ANKRD44: variants seen among roughly 807,000 people sequenced by gnomAD.
The protein encoded by ANKRD44 is serine/threonine-protein phosphatase 6 regulatory ankyrin repeat subunit B.
Under a neutral mutation model 116.0 loss-of-function variants are expected in ANKRD44, and 35 were observed. That is an observed-to-expected ratio of 0.30 (90% CI 0.23 to 0.40). The LOEUF (loss-of-function observed/expected upper bound fraction) is 0.40, where lower values mean the gene tolerates loss of function less well. Ranked by LOEUF, ANKRD44 falls within the 10% of genes least tolerant of loss-of-function variation. The pLI is 1.00. For missense variants in ANKRD44, 1,014 were observed against 1,242.6 expected (o/e 0.82, Z 2.77); for synonymous variants, 435 against 461.8 (o/e 0.94, Z 0.74).
At chr2:197,254,603 ACAC>A in intron 1 of ANKRD44, among the ~76,000 whole-genome samples, 1 of 55,696 alleles carries the variant, frequency 1.8e-5, no homozygotes, top group Non-Finnish European at 4.3e-5. Context: ...ATGCATACAC[ACAC>A]ACACACACAC....
chr2:197,249,048 A>T (rs1013492821), intron 1 of ANKRD44, among the ~76,000 whole-genome samples: 1 of 152,166 alleles, frequency 6.6e-6, no homozygotes, highest in Non-Finnish European at 1.5e-5. Context: ...AGATGGGAAG[A>T]TGGCTTGAGG....
chr2:197,290,550 G>A (rs13391572), intron 1 of ANKRD44, among the ~76,000 whole-genome samples: 1,584 of 152,220 alleles, frequency 0.01, 22 homozygotes, highest in African/African-American at 0.036. Context: ...CCAGCAATAA[G>A]CCATGTTCTT....
chr2:197,175,731 C>T (rs2080349392), intron 2 of ANKRD44, among the ~76,000 whole-genome samples: 1 of 152,146 alleles, frequency 6.6e-6, no homozygotes, highest in Non-Finnish European at 1.5e-5. Flanking sequence ...TCTAGTGCTA[C>T]ATCTGTAAGA....
chr2:197,013,636 C>T lies in ANKRD44; in HGVS notation c.1799G>A (p.Gly600Asp), dbSNP rs960241539. ...GGCAGCCAGATCCAGAGCAGTGCGGCCTTTCTCATCCCTGATGTCCAGGTC... is the reference window on the plus strand; with the variant it reads ...GGCAGCCAGATCCAGAGCAGTGCGGTCTTTCTCATCCCTGATGTCCAGGTC... The part of the protein sequence containing the change: ...LVDLDIRDEK[G>D]RTALDLAAFK... The change falls in exon 18 of 28, where the codon GGC becomes GAC. Residue 600 changes from glycine (G) to aspartate (D), a missense_variant. Coordinates refer to ENST00000282272, the MANE Select transcript of ANKRD44 (RefSeq NM_001195144.2). The T allele has an allele frequency of 1.2e-6, 2 of 1,614,124 alleles. No homozygotes were observed. The highest frequency in any genetic ancestry group is 1.7e-5 in the Admixed American group (1 of 60,020).
chr2:197,145,135 CA>C (rs1404323602), intron 3 of ANKRD44, among the ~76,000 whole-genome samples: 1 of 151,814 alleles, frequency 6.6e-6, no homozygotes, highest in Non-Finnish European at 1.5e-5. Context: ...ACTAAAAATA[CA>C]AAAAATTAGC....
chr2:196,981,619 T>A (rs1474589457), intron 21 of ANKRD44, among the ~76,000 whole-genome samples: 1 of 151,896 alleles, frequency 6.6e-6, no homozygotes, highest in Non-Finnish European at 1.5e-5. Context: ...CTACTAAAAA[T>A]TTTTTTAAAA....
At chr2:197,113,593 C>T (rs775336742) in intron 8 of ANKRD44, among the ~76,000 whole-genome samples, 14 of 152,214 alleles carry the variant, frequency 9.2e-5, no homozygotes, top group Non-Finnish European at 1.8e-4. Context: ...TAACCACCAA[C>T]TTGGTGGTAG....
At chr2:197,110,708 G>T in intron 9 of ANKRD44, 58 bp downstream of exon 9, 1 of 1,461,672 alleles carries the variant, frequency 6.8e-7, no homozygotes, top group Non-Finnish European at 9.6e-7. Flanking sequence ...GTGACTGACA[G>T]CCAAATTCAC....
Position 197,001,856 on chromosome 2 carries a change from A to T in ANKRD44, c.2348-16T>A. 6.3e-7 allele frequency: 1 copy of T among 1,589,864 alleles called. No homozygotes were observed. The highest frequency in any genetic ancestry group is 8.6e-7 in the Non-Finnish European group (1 of 1,162,202). ...TTTTCATTACCTGCAAGAAATAAAA[A>T]TAATTTAGGGAGTTTCCAAGAAAGA... On this transcript the variant is annotated splice_polypyrimidine_tract_variant and intron_variant, in intron 21 of 27. Transcript: ENST00000282272.
At chr2:197,210,634 G>A (rs994020526) in intron 1 of ANKRD44, among the ~76,000 whole-genome samples, 5 of 152,196 alleles carry the variant, frequency 3.3e-5, no homozygotes, top group African/African-American at 1.2e-4. Context: ...CCTCATGCAA[G>A]GCAGGCCTTA....
chr2:197,263,589 A>G (rs1222365319), intron 1 of ANKRD44: 1 of 231,682 alleles, frequency 4.3e-6, no homozygotes, highest in Non-Finnish European at 8.7e-6. Context: ...TCAGCCCTGT[A>G]TGTTTCTTTT....
chr2:197,279,848 TCC>T (rs1399324627), intron 1 of ANKRD44, among the ~76,000 whole-genome samples: 1 of 152,162 alleles, frequency 6.6e-6, no homozygotes, highest in East Asian at 1.9e-4. Context: ...TTTCCATGCT[TCC>T]CACCCCACCC....
intron 1 of ANKRD44, among the ~76,000 whole-genome samples, chr2:197,220,188 C>T (rs747914710): frequency 3.3e-5 from 5 of 152,088 alleles, no homozygotes; most frequent in Non-Finnish European, 7.4e-5. Flanking sequence ...GCCTTAATTC[C>T]CTCACAGCTT....
chr2:197,028,731 C>A, intron 16 of ANKRD44: 1 of 175,898 alleles, frequency 5.7e-6, no homozygotes, highest in Non-Finnish European at 1.2e-5. Context: ...GGATTATTTT[C>A]CTCTGTGGTA....
chr2:196,989,687 G>C, intron 27 of ANKRD44, 38 bp from the exon 28 acceptor site: 1 of 1,548,034 alleles, frequency 6.5e-7, no homozygotes, highest in Non-Finnish European at 8.7e-7. Context: ...TCACTATGTT[G>C]ATTTCATCAT....
chr2:197,238,896 G>T (rs1356529762), intron 1 of ANKRD44, among the ~76,000 whole-genome samples: 1 of 152,078 alleles, frequency 6.6e-6, no homozygotes, highest in African/African-American at 2.4e-5. Flanking sequence ...GTAGAGACGG[G>T]GTTTCGCCAT....
intron 16 of ANKRD44, among the ~76,000 whole-genome samples, chr2:197,070,251 G>A (rs1046602166): frequency 2.6e-5 from 4 of 151,890 alleles, no homozygotes; most frequent in Non-Finnish European, 4.4e-5. Flanking sequence ...TTCCCTAATT[G>A]TTCTGGCTAG....
At chr2:197,018,953 A>G (rs1446019213) in intron 17 of ANKRD44, among the ~76,000 whole-genome samples, 1 of 152,206 alleles carries the variant, frequency 6.6e-6, no homozygotes, top group Admixed American at 6.5e-5. Flanking sequence ...GTAAGTGACA[A>G]AATCAGGATT....
chr2:197,208,865 T>G (rs1387417250), intron 1 of ANKRD44, among the ~76,000 whole-genome samples: 1 of 152,174 alleles, frequency 6.6e-6, no homozygotes, highest in East Asian at 1.9e-4. Flanking sequence ...ACATGGGTTC[T>G]AATGGTAAGC....
Sources: gnomAD v4.1 joint callset for allele counts (sites outside exome capture counted in the v4.1 genomes callset) on GRCh38, gnomAD v4.1.1 for gene constraint, MANE v1.5 for transcripts, NCBI Gene and HGNC (gene_info 2026-07-23, HGNC 2026-07-21) for gene names.